SLC22A9: variants seen among roughly 807,000 people sequenced by gnomAD.
SLC22A9 encodes solute carrier family 22 member 9, also known as organic anion transporter 7.
In SLC22A9, 64 loss-of-function variants were observed where a neutral mutation model predicts 50.1. That is an observed-to-expected ratio of 1.28 (90% CI 1.04 to 1.57). The LOEUF is 1.57. SLC22A9 is among the 40% of genes most tolerant of loss of function. The pLI is 0.00. For missense variants in SLC22A9, 757 were observed against 676.1 expected (o/e 1.12, Z -1.33); for synonymous variants, 261 against 242.5 (o/e 1.08, Z -0.71).
At chr11:63,400,874 A>G (rs151212211) in intron 6 of SLC22A9, among the ~76,000 whole-genome samples, 3 of 152,296 alleles carry the variant, frequency 2.0e-5, no homozygotes, top group Admixed American at 6.5e-5. Context: ...AACATAAAAC[A>G]TAACATTAGT....
chr11:63,394,420 A>T (rs558672093), intron 6 of SLC22A9, among the ~76,000 whole-genome samples: 6 of 152,232 alleles, frequency 3.9e-5, no homozygotes, highest in African/African-American at 1.2e-4. Context: ...GGGGTGGCTT[A>T]GTAATGGTGA....
At chr11:63,371,269 A>C in intron 2 of SLC22A9, 31 bp downstream of exon 2, 1 of 1,492,272 alleles carries the variant, frequency 6.7e-7, no homozygotes, top group South Asian at 1.2e-5. Flanking sequence ...GCTCTCTTTA[A>C]GGGCATTTTT....
chr11:63,391,350 A>G (rs1479673957), intron 6 of SLC22A9, among the ~76,000 whole-genome samples: 1 of 152,124 alleles, frequency 6.6e-6, no homozygotes. Flanking sequence ...TCTACAATGC[A>G]GATTAAGTCC....
intron 6 of SLC22A9, among the ~76,000 whole-genome samples, chr11:63,389,079 G>A (rs1276770219): frequency 6.6e-6 from 1 of 151,826 alleles, no homozygotes; most frequent in Admixed American, 6.6e-5. Flanking sequence ...CTAAATGTTT[G>A]TCAGTTTTGT....
intron 5 of SLC22A9, among the ~76,000 whole-genome samples, chr11:63,376,323 A>G (rs1200543894): frequency 1.3e-5 from 2 of 152,086 alleles, no homozygotes. Context: ...ATACTTACTT[A>G]CTATAAGTTC....
At position 63,370,141 on chromosome 11, in the gene SLC22A9, G is replaced by T. The variant is rs747109964; in HGVS notation, c.85G>T (p.Val29Phe). The T allele has an allele frequency of 1.2e-6, 2 of 1,613,912 alleles. No homozygotes were observed. Among genetic ancestry groups the T allele is most frequent in the South Asian group, 2.2e-5 (2 of 91,074 alleles). Residue 29 changes from valine (V) to phenylalanine (F), a missense_variant, in exon 1 of 10, where the codon GTT (valine) becomes TTT (phenylalanine). By Grantham distance (50) the Val-to-Phe change is conservative. Transcript: ENST00000279178. ...LQTVFLSIFA[V>F]ATYLHFMLEN... ...GACTGTTTTTCTCTCAATCTTTGCTGTTGCTACATACCTTCATTTTATGCT... is the reference window on the plus strand; with the variant it reads ...GACTGTTTTTCTCTCAATCTTTGCTTTTGCTACATACCTTCATTTTATGCT...
Position 63,370,163 on chromosome 11 carries a change from T to C in SLC22A9, c.107T>C (p.Met36Thr). 3 of 1,614,080 alleles carry C rather than the reference T, an allele frequency of 1.9e-6. No individual in the cohort carries two copies. Among genetic ancestry groups the C allele is most frequent in the Non-Finnish European group, 2.5e-6 (3 of 1,179,928 alleles). Residue 36 changes from methionine (M) to threonine (T), a missense_variant, in exon 1 of 10, where the codon ATG becomes ACG. Met to Thr is a moderately conservative substitution (Grantham distance 81). Transcript: ENST00000279178. ...GCTGTTGCTACATACCTTCATTTTA[T>C]GCTGGAGAACTTCACTGCATTCATA... ...IFAVATYLHF[M>T]LENFTAFIPG...
rs547002808 is a variant in SLC22A9 at position 63,406,804 on chromosome 11, G to C, written c.1288+93G>C. 4.5e-6 allele frequency: 6 copies of C among 1,341,570 alleles called. No individual in the cohort carries two copies. The South Asian group carries it at 8.8e-5, about 20-fold the overall frequency. 83.1% of individuals were successfully genotyped at this position (1,341,570 alleles called of 1,614,324 possible). ...CACCTATCTGAAGCCAAGAAGGAAA[G>C]GGAGAATTGGGTTCTTAGGATTTCC... On this transcript the variant is annotated intron_variant, in intron 7 of 9. Coordinates refer to ENST00000279178, the MANE Select transcript of SLC22A9 (RefSeq NM_080866.3).
At chr11:63,391,917 G>A (rs917854747) in intron 6 of SLC22A9, among the ~76,000 whole-genome samples, 6 of 151,918 alleles carry the variant, frequency 3.9e-5, no homozygotes, top group African/African-American at 1.2e-4. Context: ...TCCTTTAGGT[G>A]AAGATGACTG....
At chr11:63,396,116 C>A (rs1005964395) in intron 6 of SLC22A9, among the ~76,000 whole-genome samples, 10 of 152,088 alleles carry the variant, frequency 6.6e-5, no homozygotes, top group Non-Finnish European at 1.3e-4. Context: ...TAGAACCTTC[C>A]CCAGGCTACC....
intron 6 of SLC22A9, among the ~76,000 whole-genome samples, chr11:63,399,631 T>C (rs1272826106): frequency 6.6e-6 from 1 of 152,192 alleles, no homozygotes; most frequent in East Asian, 1.9e-4. Flanking sequence ...TCTGCATTGA[T>C]AAGTTCCTCT....
intron 6 of SLC22A9, among the ~76,000 whole-genome samples, chr11:63,394,193 C>T (rs1045537699): frequency 6.6e-6 from 1 of 152,150 alleles, no homozygotes. Flanking sequence ...AGCAATTCCT[C>T]TAACCTTTTT....
chr11:63,390,075 G>A (rs1006901300), intron 6 of SLC22A9, among the ~76,000 whole-genome samples: 1 of 152,036 alleles, frequency 6.6e-6, no homozygotes, highest in Non-Finnish European at 1.5e-5. Flanking sequence ...CTGGATATTA[G>A]GCCTTTGTCA....
At chr11:63,382,354 C>A in intron 6 of SLC22A9, 77 bp downstream of exon 6, 2 of 1,005,570 alleles carry the variant, frequency 2.0e-6, no homozygotes, top group Non-Finnish European at 2.9e-6. Context: ...AGTAGTACAG[C>A]ATGTTTAGGA....
chr11:63,390,714 T>C (rs942719457), intron 6 of SLC22A9, among the ~76,000 whole-genome samples: 6 of 152,188 alleles, frequency 3.9e-5, no homozygotes, highest in African/African-American at 1.4e-4. Flanking sequence ...AGTAGTTTTT[T>C]CTAATTCTAT....
chr11:63,374,372 C>A (rs2014424132), intron 4 of SLC22A9, among the ~76,000 whole-genome samples: 2 of 152,100 alleles, frequency 1.3e-5, no homozygotes, highest in African/African-American at 2.4e-5. Context: ...CCTGAGAGTT[C>A]TTTTATTTAA....
chr11:63,406,434 C>T, intron 6 of SLC22A9, 63 bp from the exon 7 acceptor site: 2 of 1,454,496 alleles, frequency 1.4e-6, no homozygotes, highest in South Asian at 1.2e-5. Context: ...CAATATTATT[C>T]TCATTTGTAG....
rs538181624 is a variant in SLC22A9, at chr11:63,391,000, A to G, written c.1073+8723A>G. 5.3e-5 allele frequency among the ~76,000 whole-genome samples: 8 copies of G among 152,164 alleles called. 1 individual carries two copies. In the East Asian group the frequency reaches 1.5e-3, roughly 29 times the overall value. On this transcript the variant is annotated intron_variant, in intron 6 of 9. Coordinates refer to ENST00000279178, the MANE Select transcript of SLC22A9 (RefSeq NM_080866.3). ...TAGTACTTCTTTTGCTGTATCCCGTAGGTTTTGATATGTTGTGTTTCCATT... is the reference window on the plus strand; with the variant it reads ...TAGTACTTCTTTTGCTGTATCCCGTGGGTTTTGATATGTTGTGTTTCCATT...
At chr11:63,400,645 T>C (rs546383771) in intron 6 of SLC22A9, among the ~76,000 whole-genome samples, 1 of 152,228 alleles carries the variant, frequency 6.6e-6, no homozygotes, top group Non-Finnish European at 1.5e-5. Flanking sequence ...GAGGTGGGAA[T>C]ACTTCCAAAC....
Sources: gnomAD v4.1 joint callset for allele counts (sites outside exome capture counted in the v4.1 genomes callset) on GRCh38, gnomAD v4.1.1 for gene constraint, MANE v1.5 for transcripts, NCBI Gene and HGNC (gene_info 2026-07-23, HGNC 2026-07-21) for gene names.